CCDC117: variants seen among roughly 807,000 people sequenced by gnomAD.
CCDC117 encodes coiled-coil domain containing 117.
Under a neutral mutation model 23.5 loss-of-function variants are expected in CCDC117, and 1 was observed. The ratio of observed to expected loss-of-function variants is 0.04; its 90% CI spans 0.02 to 0.20. CCDC117 has a LOEUF of 0.20. Among genes scored for constraint, CCDC117 ranks in the 10% least tolerant of loss-of-function variants. The probability of loss-of-function intolerance (pLI) is 1.00; values close to 1 mark genes in which losing one functional copy is unlikely to be tolerated. For missense variants in CCDC117, 383 were observed against 348.2 expected (o/e 1.10, Z -0.80); for synonymous variants, 132 against 124.8 (o/e 1.06, Z -0.39).
rs369776611 is a variant in CCDC117 at position 28,783,654 on chromosome 22, T to C, written c.602+9T>C. 1.2e-6 allele frequency: 2 copies of C among 1,611,988 alleles called. No homozygotes were observed. The highest frequency in any genetic ancestry group is 1.7e-6 in the Non-Finnish European group (2 of 1,178,902). ...AAAATGATTGAGTCTATGTAAGTTT[T>C]GGTACCTGATTTCTATTTAATTATG... On this transcript the variant is annotated intron_variant, in intron 4 of 4. Transcript: ENST00000249064.
chr22:28,774,163 C>T (rs1266480283), intron 2 of CCDC117, among the ~76,000 whole-genome samples: 1 of 149,526 alleles, frequency 6.7e-6, no homozygotes, highest in East Asian at 2.0e-4. Flanking sequence ...CGCCTCCCGG[C>T]TTCATGCCAT....
At chr22:28,785,508 A>G (rs2031484901) in intron 4 of CCDC117, among the ~76,000 whole-genome samples, 2 of 152,134 alleles carry the variant, frequency 1.3e-5, no homozygotes, top group East Asian at 3.8e-4. Context: ...TATACTTTGT[A>G]CCTATACTAA....
chr22:28,784,587 T>G (rs2031455413), intron 4 of CCDC117, among the ~76,000 whole-genome samples: 1 of 152,184 alleles, frequency 6.6e-6, no homozygotes, highest in Non-Finnish European at 1.5e-5. Flanking sequence ...TCAGCTGCTA[T>G]TTGGTCTTTG....
intron 3 of CCDC117, among the ~76,000 whole-genome samples, chr22:28,782,067 G>A (rs114826686): frequency 0.013 from 1,897 of 148,450 alleles, 46 homozygotes; most frequent in African/African-American, 0.045. Context: ...CCTCCCAAGT[G>A]GCTGGGACTG....
chr22:28,779,072 C>T (rs1320405008), intron 2 of CCDC117, among the ~76,000 whole-genome samples: 1 of 142,044 alleles, frequency 7.0e-6, no homozygotes, highest in Non-Finnish European at 1.6e-5. Flanking sequence ...CAAGTGATCT[C>T]CTCCCTCAGC....
At chr22:28,776,516 G>T (rs143706736) in intron 2 of CCDC117, among the ~76,000 whole-genome samples, 1 of 151,852 alleles carries the variant, frequency 6.6e-6, no homozygotes, top group East Asian at 1.9e-4. Flanking sequence ...TCTGTCTCAG[G>T]TTCAAGCGAT....
chr22:28,778,859 G>T (rs1436850277), intron 2 of CCDC117, among the ~76,000 whole-genome samples: 1 of 152,162 alleles, frequency 6.6e-6, no homozygotes, highest in Non-Finnish European at 1.5e-5. Context: ...TATTTAGAAA[G>T]TGGACCTACA....
In CCDC117 at chr22:28,773,034, G is replaced by T; in HGVS notation, c.185G>T (p.Arg62Leu). Residue 62 changes from arginine (R) to leucine (L), a missense_variant and splice_region_variant, in exon 1 of 5, where the codon CGT (arginine) becomes CTT (leucine). Coordinates refer to ENST00000249064, the MANE Select transcript of CCDC117 (RefSeq NM_173510.4). ...CCCGCTGGGAGTGCGGCGCGCGGACGGTGAGGAGCCCGTCGGGCGCAGGGC... is the reference window on the plus strand; with the variant it reads ...CCCGCTGGGAGTGCGGCGCGCGGACTGTGAGGAGCCCGTCGGGCGCAGGGC... ...SSPAGSAARG[R>L]VSVHCKKKHK... 1 of 1,169,136 alleles carries T rather than the reference G, an allele frequency of 8.6e-7. No individual in the cohort carries two copies. The highest frequency in any genetic ancestry group is 1.1e-6 in the Non-Finnish European group (1 of 947,748). 72.4% of individuals were successfully genotyped at this position (1,169,136 alleles called of 1,614,324 possible).
At chr22:28,774,371 C>CTT (rs35613553) in intron 2 of CCDC117, among the ~76,000 whole-genome samples, 2,250 of 122,094 alleles carry the variant, frequency 0.018, 47 homozygotes, top group East Asian at 0.083. Context: ...CCTGAAAAGT[C>CTT]TTTTTTTTTT....
At position 28,772,887 on chromosome 22, in the gene CCDC117, T is replaced by A. The variant is rs2031026721; in HGVS notation, c.38T>A (p.Leu13Gln). The change falls in exon 1 of 5, where the codon CTG becomes CAG. Residue 13 changes from leucine (L) to glutamine (Q), a missense_variant. By Grantham distance (113) the Leu-to-Gln change is moderately radical. Transcript: ENST00000249064. ...ALGRPFSGLP[L>Q]SGGSDFLQPP... ...GGCCGGCCCTTCAGCGGCCTCCCTC[T>A]GAGCGGCGGCTCGGACTTCCTGCAG... 8.1e-7 allele frequency: 1 copy of A among 1,235,588 alleles called. No homozygotes were observed. The highest frequency in any genetic ancestry group is 3.5e-5 in the South Asian group (1 of 28,170). 76.5% of individuals were successfully genotyped at this position (1,235,588 alleles called of 1,614,324 possible). A position where few individuals can be genotyped will look rare whatever the true frequency, so the allele number is the denominator to read the frequency against.
intron 3 of CCDC117, among the ~76,000 whole-genome samples, chr22:28,782,382 C>T (rs1203680750): frequency 6.6e-6 from 1 of 151,576 alleles, no homozygotes; most frequent in Non-Finnish European, 1.5e-5. Flanking sequence ...CCTCAGCCTC[C>T]TGAGTAGCTG....
rs2146258530 is a variant in CCDC117 at position 28,787,826 on chromosome 22, T to G, written c.*1500T>G. 1 of 152,510 alleles carries G rather than the reference T, an allele frequency of 6.6e-6. No homozygotes were observed. Among genetic ancestry groups the G allele is most frequent in the East Asian group, 1.9e-4 (1 of 5,190 alleles). The allele number at this position is 152,510 out of a possible 1,614,324, so 9.4% of individuals were successfully genotyped here. On this transcript the variant is annotated 3_prime_UTR_variant, in exon 5 of 5. Transcript: ENST00000249064. ...CACACAACAGGACACCACCCCAGTT[T>G]TGTTTTCTGGGTTTCTTCCCCCTTT... is the stretch of plus-strand genomic sequence containing the variant.
intron 2 of CCDC117, among the ~76,000 whole-genome samples, chr22:28,774,070 G>GGTT (rs1555944527): frequency 4.0e-5 from 5 of 126,094 alleles, no homozygotes; most frequent in Non-Finnish European, 3.5e-5. Flanking sequence ...TTTTGTTTTT[G>GGTT]TTTTTTTTTT....
At chr22:28,773,838 G>A (rs1175975572) in intron 2 of CCDC117, 60 bp downstream of exon 2, 8 of 1,298,244 alleles carry the variant, frequency 6.2e-6, no homozygotes, top group Non-Finnish European at 9.0e-6. Context: ...CCCTGTTATA[G>A]TCTAAATTAC....
chr22:28,786,130 C>T lies in CCDC117; in HGVS notation c.644C>T (p.Pro215Leu). 6.2e-7 allele frequency: 1 copy of T among 1,614,002 alleles called. No homozygotes were observed. Among genetic ancestry groups the T allele is most frequent in the Non-Finnish European group, 8.5e-7 (1 of 1,179,992 alleles). Residue 215 changes from proline to leucine, a missense_variant, in exon 5 of 5, where the codon CCT (proline) becomes CTT (leucine). Physicochemically the swap from Pro to Leu is moderately conservative, Grantham distance 98. Transcript: ENST00000249064. Reference sequence around the variant, plus strand: ...GAGCTTGTTCTCTGGAAACCCCTCCCTGAACTCCTTTCTGATAAGCCAAAG... The same window carrying T: ...GAGCTTGTTCTCTGGAAACCCCTCCTTGAACTCCTTTCTGATAAGCCAAAG... ...SMELVLWKPL[P>L]ELLSDKPKPS...
At chr22:28,775,468 G>A (rs750102025) in intron 2 of CCDC117, among the ~76,000 whole-genome samples, 17 of 152,142 alleles carry the variant, frequency 1.1e-4, no homozygotes, top group Non-Finnish European at 1.9e-4. Flanking sequence ...TAAAGTGTGT[G>A]CATTTTAAAT....
Position 28,785,346 on chromosome 22 carries a change from A to G in CCDC117, c.603-743A>G, listed in dbSNP as rs554937658. Among the ~76,000 whole-genome samples the G allele has an allele frequency of 2.6e-5, 4 of 152,054 alleles. No homozygotes were observed. The East Asian group carries it at 7.8e-4, about 30-fold the overall frequency. On this transcript the variant is annotated intron_variant, in intron 4 of 4. Coordinates refer to ENST00000249064, the MANE Select transcript of CCDC117 (RefSeq NM_173510.4). ...TGGGACTACAGTCACCTGCTACCAC[A>G]CCCAGCTAATTTTTGTATTTTTTGT... is the stretch of plus-strand genomic sequence containing the variant.
chr22:28,775,884 G>C (rs1350910711), intron 2 of CCDC117, among the ~76,000 whole-genome samples: 1 of 152,048 alleles, frequency 6.6e-6, no homozygotes, highest in Admixed American at 6.6e-5. Context: ...GTGACAAAGT[G>C]AGACTGTCCC....
At chr22:28,779,231 T>C (rs1458618369) in intron 2 of CCDC117, among the ~76,000 whole-genome samples, 1 of 152,176 alleles carries the variant, frequency 6.6e-6, no homozygotes, top group East Asian at 1.9e-4. Flanking sequence ...AGACGGAGCC[T>C]TGGTCTGTCG....
Sources: gnomAD v4.1 joint callset for allele counts (sites outside exome capture counted in the v4.1 genomes callset) on GRCh38, gnomAD v4.1.1 for gene constraint, MANE v1.5 for transcripts, NCBI Gene and HGNC (gene_info 2026-07-23, HGNC 2026-07-21) for gene names.